Variants in SRPK2 observed in about 807,000 individuals in gnomAD.
The protein encoded by SRPK2 is SFRS protein kinase 2.
A neutral mutation model predicts 90.8 loss-of-function variants in SRPK2; 21 were observed. The ratio of observed to expected loss-of-function variants is 0.23; its 90% confidence interval spans 0.16 to 0.33. The LOEUF is 0.33. Ranked by LOEUF, SRPK2 falls within the 10% of genes least tolerant of loss-of-function variation. The pLI is 1.00. For missense variants in SRPK2, 620 were observed against 869.0 expected (o/e 0.71, Z 3.60); for synonymous variants, 288 against 311.1 (o/e 0.93, Z 0.78).
chr7:105,303,052 C>A (rs771114796), intron 2 of SRPK2, among the ~76,000 whole-genome samples: 1 of 151,452 alleles, frequency 6.6e-6, no homozygotes, highest in Admixed American at 6.6e-5. Flanking sequence ...CCAGCCTGGG[C>A]GACAGAACAA....
intron 2 of SRPK2, among the ~76,000 whole-genome samples, chr7:105,362,904 A>G (rs1036095151): frequency 1.3e-5 from 2 of 152,220 alleles, no homozygotes; most frequent in Non-Finnish European, 2.9e-5. Flanking sequence ...ACATGGATGA[A>G]GCTGGAAACC....
At chr7:105,366,343 T>C (rs1374723228) in intron 2 of SRPK2, among the ~76,000 whole-genome samples, 1 of 151,050 alleles carries the variant, frequency 6.6e-6, no homozygotes, top group Admixed American at 6.7e-5. Context: ...TTTTCTCTAA[T>C]TGTATTAGCA....
At chr7:105,120,847 T>C (rs901910505) in intron 15 of SRPK2, among the ~76,000 whole-genome samples, 1 of 152,160 alleles carries the variant, frequency 6.6e-6, no homozygotes, top group Non-Finnish European at 1.5e-5. Context: ...TCTGTATCTA[T>C]TGCTAGGAGA....
chr7:105,173,609 T>C (rs544161295), intron 3 of SRPK2, among the ~76,000 whole-genome samples: 1 of 152,318 alleles, frequency 6.6e-6, no homozygotes, highest in East Asian at 1.9e-4. Context: ...TAGTTAACTA[T>C]GTGCACCATA....
chr7:105,365,754 C>T (rs531216137), intron 2 of SRPK2, among the ~76,000 whole-genome samples: 1 of 151,622 alleles, frequency 6.6e-6, no homozygotes, highest in Non-Finnish European at 1.5e-5. Flanking sequence ...AGTCATCATG[C>T]CACTTCACTC....
chr7:105,120,187 G>A (rs899950314), intron 15 of SRPK2, among the ~76,000 whole-genome samples: 1 of 152,196 alleles, frequency 6.6e-6, no homozygotes, highest in Non-Finnish European at 1.5e-5. Flanking sequence ...CTCTGGGAAA[G>A]GGAGCGAACT....
chr7:105,387,014 G>C lies in SRPK2; in HGVS notation c.71+1634C>G, dbSNP rs1004539685. On this transcript the variant is annotated intron_variant, in intron 2 of 15. Transcript: ENST00000393651. ...ACTGCGGCCCACCAAAAAGGCCCTC[G>C]ACCATTAGGAAAATCATACTCTAAT... 4.6e-4 allele frequency among the ~76,000 whole-genome samples: 70 copies of C among 152,192 alleles called. 3 individuals carry two copies. Among genetic ancestry groups the C allele is most frequent in the East Asian group, 1.9e-4 (1 of 5,184 alleles).
chr7:105,168,585 C>T (rs1197958879), intron 4 of SRPK2, among the ~76,000 whole-genome samples: 4 of 151,976 alleles, frequency 2.6e-5, no homozygotes, highest in African/African-American at 9.7e-5. Context: ...TAGTATGGGT[C>T]AAGACAATCT....
At chr7:105,322,000 C>G (rs905874454) in intron 2 of SRPK2, among the ~76,000 whole-genome samples, 45 of 152,186 alleles carry the variant, frequency 3.0e-4, no homozygotes, top group Admixed American at 5.2e-4. Flanking sequence ...CACCCATGAT[C>G]ACAGCAGCAT....
chr7:105,243,643 A>T (rs968402423), intron 2 of SRPK2, among the ~76,000 whole-genome samples: 1 of 151,130 alleles, frequency 6.6e-6, no homozygotes, highest in African/African-American at 2.4e-5. Flanking sequence ...AAAAAAAAAA[A>T]AAAAAAACCA....
intron 2 of SRPK2, among the ~76,000 whole-genome samples, chr7:105,275,431 T>C (rs1806360347): frequency 2.1e-5 from 1 of 47,940 alleles, no homozygotes; most frequent in African/African-American, 6.8e-5. Context: ...TCACTGTGAT[T>C]TCCCCCATTC....
intron 2 of SRPK2, among the ~76,000 whole-genome samples, chr7:105,295,316 T>C (rs1585585821): frequency 6.6e-6 from 1 of 151,852 alleles, no homozygotes; most frequent in East Asian, 1.9e-4. Flanking sequence ...TGTTTTATGT[T>C]ACAAATTCAT....
chr7:105,170,941 AAGAAAGAAAGAAAGAAAGAAAGAAAG>A (rs1270562411), intron 3 of SRPK2, among the ~76,000 whole-genome samples: 1 of 39,274 alleles, frequency 2.5e-5, no homozygotes, highest in East Asian at 2.8e-4. Context: ...AAAGGAAAGA[AAGAAAGAAAGAAAGAAAGAAAGAAAG>A]AGAAAGAAAG....
intron 2 of SRPK2, among the ~76,000 whole-genome samples, chr7:105,338,742 T>A (rs1424643492): frequency 6.6e-6 from 1 of 152,250 alleles, no homozygotes. Flanking sequence ...TTTCATTGTA[T>A]ATATCCAATA....
In SRPK2 at chr7:105,205,496, T is replaced by TTC. The variant is rs57970307; in HGVS notation, c.72-1713_72-1712dup. 2.3e-3 allele frequency among the ~76,000 whole-genome samples: 314 copies of TTC among 137,714 alleles called. 2 individuals are homozygous for TTC. Among genetic ancestry groups the TTC allele is most frequent in the African/African-American group, 7.9e-3 (272 of 34,538 alleles). 90.3% of individuals were successfully genotyped at this position (137,714 alleles called of 152,430 possible). The stretch of plus-strand genomic sequence containing the variant: ...GAGCCCTGAAAGAGAATAATATTCA[T>TTC]TCTCTCTCTCTCTCTCTCTCTCACA... On this transcript the variant is annotated intron_variant, in intron 2 of 15. Transcript: ENST00000393651.
intron 2 of SRPK2, among the ~76,000 whole-genome samples, 184 bp from the exon 3 acceptor site, chr7:105,203,969 C>A (rs1285919471): frequency 6.8e-6 from 1 of 146,450 alleles, no homozygotes. Flanking sequence ...TAAGTCAGGC[C>A]AAAAAAAAAA....
intron 7 of SRPK2, 158 bp downstream of exon 7, chr7:105,160,349 T>C: frequency 2.3e-6 from 1 of 432,754 alleles, no homozygotes; most frequent in Admixed American, 4.0e-5. Flanking sequence ...TAATAAGAGT[T>C]CAAAATGTTA....
At chr7:105,396,782 GAA>G (rs764329361) in intron 1 of SRPK2, among the ~76,000 whole-genome samples, 13 of 135,992 alleles carry the variant, frequency 9.6e-5, no homozygotes, top group African/African-American at 3.3e-4. Context: ...GAAAGAGAGA[GAA>G]AGAAAGAAAG....
chr7:105,289,569 G>A (rs968770425), intron 2 of SRPK2, among the ~76,000 whole-genome samples: 1 of 152,146 alleles, frequency 6.6e-6, no homozygotes, highest in Non-Finnish European at 1.5e-5. Flanking sequence ...GAGCAACATA[G>A]CAAGACCTAT....
Sources: allele counts gnomAD v4.1 joint callset (sites outside exome capture counted in the v4.1 genomes callset), GRCh38; gene constraint gnomAD v4.1.1; transcripts MANE v1.5; gene names NCBI Gene and HGNC (gene_info 2026-07-23, HGNC 2026-07-21).